PTPRD: variants seen among roughly 807,000 people sequenced by gnomAD.
PTPRD encodes receptor-type tyrosine-protein phosphatase delta.
A neutral mutation model predicts 214.5 loss-of-function variants in PTPRD; 34 were observed. The ratio of observed to expected loss-of-function variants is 0.16; its 90% CI spans 0.12 to 0.21. The LOEUF is 0.21. PTPRD is among the 10% of genes least tolerant of loss of function. PTPRD has a pLI of 1.00. For synonymous variants in PTPRD, 1,128 were observed against 845.7 expected (o/e 1.33, Z -5.79); for missense variants, 2,545 against 2,398.7 (o/e 1.06, Z -1.27).
chr9:10,597,074 TATATATATATTTCACATATATATTTCAC>T (rs1257826041), intron 2 of PTPRD, among the ~76,000 whole-genome samples: 8 of 151,224 alleles, frequency 5.3e-5, no homozygotes, highest in African/African-American at 1.9e-4. Context: ...ATTTTCCATA[TATATATATATTTCACATATATATTTCAC>T]ATATATATAT....
chr9:9,657,679 T>G (rs1384663457), intron 7 of PTPRD, among the ~76,000 whole-genome samples: 1 of 152,212 alleles, frequency 6.6e-6, no homozygotes, highest in African/African-American at 2.4e-5. Flanking sequence ...ATCTTTGTTT[T>G]TATTATTGGC....
At chr9:8,560,464 CACACACACATAT>C (rs888244214) in intron 14 of PTPRD, among the ~76,000 whole-genome samples, 9 of 138,982 alleles carry the variant, frequency 6.5e-5, no homozygotes, top group East Asian at 6.0e-4. Context: ...CACACACACA[CACACACACATAT>C]ATACACTGTT....
At chr9:10,218,837 AAC>A (rs2099553285) in intron 3 of PTPRD, among the ~76,000 whole-genome samples, 1 of 151,834 alleles carries the variant, frequency 6.6e-6, no homozygotes, top group Non-Finnish European at 1.5e-5. Context: ...TTATTATAAA[AAC>A]AGTTAAGGTT....
chr9:9,590,993 T>C (rs1030030964), intron 7 of PTPRD, among the ~76,000 whole-genome samples: 10 of 152,002 alleles, frequency 6.6e-5, no homozygotes, highest in African/African-American at 2.4e-4. Flanking sequence ...ATGCCTTCTG[T>C]GGTAAGCAGC....
chr9:8,749,048 G>A (rs139020879), intron 11 of PTPRD, among the ~76,000 whole-genome samples: 4 of 151,736 alleles, frequency 2.6e-5, no homozygotes, highest in African/African-American at 9.7e-5. Flanking sequence ...TGCTACTAAT[G>A]AACTAAATAC....
At chr9:8,339,168 A>C in intron 42 of PTPRD, 121 bp from the exon 43 acceptor site, 1 of 1,066,578 alleles carries the variant, frequency 9.4e-7, no homozygotes, top group Non-Finnish European at 1.3e-6. Context: ...TCAAAATTCA[A>C]GGCAATTCCA....
intron 5 of PTPRD, among the ~76,000 whole-genome samples, chr9:9,872,832 G>T (rs931400780): frequency 1.3e-5 from 2 of 152,158 alleles, no homozygotes; most frequent in Middle Eastern, 3.4e-3. Context: ...ATGGAGGAGA[G>T]GCAGAAACTG....
chr9:8,492,779 AT>A (rs547243411), intron 27 of PTPRD, 82 bp downstream of exon 27: 1 of 957,334 alleles, frequency 1.0e-6, no homozygotes, highest in Non-Finnish European at 1.5e-6. Flanking sequence ...TTTTACTATA[AT>A]AAAAGCCTGC....
At chr9:9,312,960 T>C (rs1183009447) in intron 9 of PTPRD, among the ~76,000 whole-genome samples, 3 of 152,228 alleles carry the variant, frequency 2.0e-5, no homozygotes, top group Non-Finnish European at 4.4e-5. Context: ...CCACTATGGC[T>C]ACCATTACTC....
chr9:10,121,797 G>A (rs2098777705), intron 3 of PTPRD, among the ~76,000 whole-genome samples: 1 of 152,124 alleles, frequency 6.6e-6, no homozygotes, highest in Admixed American at 6.5e-5. Flanking sequence ...CCTGTTTCCA[G>A]AGTGAATTCC....
intron 11 of PTPRD, among the ~76,000 whole-genome samples, chr9:8,818,673 A>G (rs959690050): frequency 2.0e-5 from 3 of 152,252 alleles, no homozygotes; most frequent in African/African-American, 7.2e-5. Flanking sequence ...TTGCCTAAGA[A>G]CAGACCAAAT....
intron 5 of PTPRD, among the ~76,000 whole-genome samples, chr9:9,772,736 G>C (rs2098762747): frequency 7.0e-6 from 1 of 142,920 alleles, no homozygotes; most frequent in Non-Finnish European, 1.5e-5. Context: ...TGTTTTGATA[G>C]TAATGAGCAG....
intron 3 of PTPRD, among the ~76,000 whole-genome samples, chr9:10,198,056 T>C (rs294827): frequency 0.37 from 55,692 of 151,922 alleles, 10,644 homozygotes; most frequent in East Asian, 0.48. Context: ...ATATAGTTTT[T>C]AAAAGCTTCT....
intron 10 of PTPRD, among the ~76,000 whole-genome samples, chr9:9,164,440 C>G (rs936634495): frequency 5.9e-5 from 9 of 152,100 alleles, no homozygotes; most frequent in Non-Finnish European, 8.8e-5. Flanking sequence ...CTCTTCTGAT[C>G]ACGATATCTT....
intron 27 of PTPRD, among the ~76,000 whole-genome samples, chr9:8,487,569 G>T (rs960273088): frequency 6.6e-6 from 1 of 152,110 alleles, no homozygotes; most frequent in African/African-American, 2.4e-5. Context: ...AGTAATCCCA[G>T]CACTTTGGGA....
intron 37 of PTPRD, among the ~76,000 whole-genome samples, chr9:8,386,129 T>C (rs1444465807): frequency 6.6e-6 from 1 of 152,098 alleles, no homozygotes; most frequent in African/African-American, 2.4e-5. Flanking sequence ...CAATAACCCT[T>C]CCGCATAATC....
chr9:9,185,010 T>C (rs2099930466), intron 9 of PTPRD, among the ~76,000 whole-genome samples: 1 of 152,042 alleles, frequency 6.6e-6, no homozygotes, highest in South Asian at 2.1e-4. Context: ...CTTGCAAAAC[T>C]GTTCTTATAG....
rs1251220371 is a variant in PTPRD, at chr9:8,314,499, A to G, written c.*3375T>C. 1 of 231,816 alleles carries G rather than the reference A, an allele frequency of 4.3e-6. No individual in the cohort carries two copies. The highest frequency in any genetic ancestry group is 8.6e-6 in the Non-Finnish European group (1 of 116,932). 14.4% of individuals were successfully genotyped at this position (231,816 alleles called of 1,614,324 possible). A position where few individuals can be genotyped will look rare whatever the true frequency, so the allele number is the denominator to read the frequency against. On this transcript the variant is annotated 3_prime_UTR_variant, in exon 46 of 46. Coordinates refer to ENST00000381196, the MANE Select transcript of PTPRD (RefSeq NM_002839.4). ...ATCCAAAACGAGAGCAAAGAACACA[A>G]CTGTTATTATCTTTGTAAAGACACT...
intron 7 of PTPRD, among the ~76,000 whole-genome samples, chr9:9,726,731 A>G (rs1248617051): frequency 6.6e-6 from 1 of 152,200 alleles, no homozygotes; most frequent in Non-Finnish European, 1.5e-5. Flanking sequence ...CAAGGCTTAC[A>G]TCTTTCTTTG....
Sources: allele counts gnomAD v4.1 joint callset (sites outside exome capture counted in the v4.1 genomes callset), GRCh38; gene constraint gnomAD v4.1.1; transcripts MANE v1.5; gene names NCBI Gene and HGNC (gene_info 2026-07-23, HGNC 2026-07-21).